The following MYO7B variants were observed in gnomAD, a reference collection of about 807,000 sequenced individuals.
MYO7B encodes the protein unconventional myosin-VIIb.
MYO7B carries 212 observed loss-of-function variants against 259.7 expected under a neutral mutation model. The ratio of observed to expected loss-of-function variants is 0.82; its 90% confidence interval spans 0.73 to 0.91. The LOEUF is 0.91. MYO7B is among the 40% of genes least tolerant of loss of function. The pLI is 0.00. For missense variants in MYO7B, 2,732 were observed against 2,813.5 expected, an observed-to-expected ratio of 0.97 and a Z score of 0.66; for synonymous variants, 1,197 against 1,166.4, an observed-to-expected ratio of 1.03 and a Z score of -0.54.
chr2:127,630,734 T>C, intron 35 of MYO7B, 44 bp from the exon 36 acceptor site: 2 of 1,606,402 alleles, frequency 1.2e-6, no homozygotes, highest in Non-Finnish European at 1.7e-6. Flanking sequence ...AAGGGCCTCA[T>C]GGGCGGTGGC....
Position 127,588,735 on chromosome 2 carries a change from G to A in MYO7B, c.1854+180G>A, listed in dbSNP as rs1679403832. On this transcript the variant is annotated intron_variant, in intron 15 of 47. Transcript: ENST00000409816. ...TGGGTGGGTGGATAGATGGGTGAGT[G>A]GGTGGATGGGTAGTGGGTGGGTGGA... 2.0e-5 allele frequency among the ~76,000 whole-genome samples: 3 copies of A among 151,636 alleles called. 1 individual carries two copies. The highest frequency in any genetic ancestry group is 2.0e-4 in the Admixed American group (3 of 15,204).
chr2:127,632,405 A>G lies in MYO7B; in HGVS notation c.5405+4A>G. The G allele has an allele frequency of 6.5e-7, 1 of 1,529,820 alleles. No individual in the cohort carries two copies. Among genetic ancestry groups the G allele is most frequent in the Non-Finnish European group, 8.8e-7 (1 of 1,138,126 alleles). The allele number at this position is 1,529,820 out of a possible 1,614,324, so 94.8% of individuals were successfully genotyped here. On this transcript the variant is annotated splice_donor_region_variant and intron_variant, in intron 39 of 47. Coordinates refer to ENST00000409816, the MANE Select transcript of MYO7B (RefSeq NM_001393586.1). ...GCCGAATCCAGAAGGTCCTGAGGTG[A>G]GCCCAGTGCCTCCAGCCCCCAGCAT...
intron 19 of MYO7B, among the ~76,000 whole-genome samples, chr2:127,599,831 T>C (rs746966042): frequency 5.3e-5 from 8 of 152,250 alleles, no homozygotes; most frequent in Admixed American, 1.3e-4. Context: ...TTTTTAAATA[T>C]TGAACCAGCT....
intron 26 of MYO7B, among the ~76,000 whole-genome samples, chr2:127,617,513 T>TTTTTTTTTTG (rs1680621989): frequency 1.5e-5 from 2 of 135,812 alleles, no homozygotes; most frequent in East Asian, 2.2e-4. Flanking sequence ...TTTTTTTTTT[T>TTTTTTTTTTG]GAGACGGAGT....
chr2:127,572,325 A>G (rs1269518810), intron 6 of MYO7B, among the ~76,000 whole-genome samples: 2 of 151,640 alleles, frequency 1.3e-5, no homozygotes, highest in African/African-American at 4.8e-5. Flanking sequence ...ATGCTGTGGC[A>G]GGAGAATCGC....
chr2:127,560,030 CTTT>C (rs59002626), intron 2 of MYO7B, among the ~76,000 whole-genome samples: 2 of 138,164 alleles, frequency 1.4e-5, no homozygotes, highest in East Asian at 2.1e-4. Context: ...CTTTTCTTTT[CTTT>C]TTTTTTTTTT....
rs1459335834 is a variant in MYO7B, at chr2:127,539,793, C to A, written c.-24+3962C>A. On this transcript the variant is annotated intron_variant, in intron 1 of 47. Coordinates refer to ENST00000409816, the MANE Select transcript of MYO7B (RefSeq NM_001393586.1). This position sits in a 1 kb window ranked among gnomAD's most constrained non-coding sequence, Gnocchi z 4.0. Reference sequence around the variant, plus strand: ...TTGCACCTATCACCACAGCAGTGTACACTGCACCCAATGTGTAGTCTTTTG... The same window carrying A: ...TTGCACCTATCACCACAGCAGTGTAAACTGCACCCAATGTGTAGTCTTTTG... Among the ~76,000 whole-genome samples, 5 of 152,198 alleles carry A rather than the reference C, an allele frequency of 3.3e-5. No individual in the cohort carries two copies. The highest frequency in any genetic ancestry group is 1.2e-4 in the African/African-American group (5 of 41,446).
intron 15 of MYO7B, among the ~76,000 whole-genome samples, chr2:127,589,700 G>A (rs1163666627): frequency 2.2e-5 from 3 of 137,582 alleles, no homozygotes; most frequent in Non-Finnish European, 4.7e-5. Flanking sequence ...GTGAGAGGGT[G>A]GATGGATAGA....
In MYO7B at chr2:127,612,273, G is replaced by C. The variant is rs1476505327; in HGVS notation, c.3216G>C (p.Gly1072=). 2 of 714,564 alleles carry C rather than the reference G, an allele frequency of 2.8e-6. No homozygotes were observed. The highest frequency in any genetic ancestry group is 3.5e-5 in the African/African-American group (2 of 57,248). The allele number at this position is 714,564 out of a possible 1,614,324, so 44.3% of individuals were successfully genotyped here. Reference sequence around the variant, plus strand: ...AGAGATCTGGCTGCAAGGACAAGGGGACCAAGGATATCTCCTCCATGAAGC... The same window carrying C: ...AGAGATCTGGCTGCAAGGACAAGGGCACCAAGGATATCTCCTCCATGAAGC... ...SAQRSGCKDK[G]TKDISSMKLK... is the part of the protein sequence containing the mutation. Residue 1072 remains glycine, a synonymous_variant, in exon 25 of 48, where the codon GGG becomes GGC. Coordinates refer to ENST00000409816, the MANE Select transcript of MYO7B (RefSeq NM_001393586.1).
At chr2:127,635,477 G>A in intron 43 of MYO7B, 4 of 626,416 alleles carry the variant, frequency 6.4e-6, no homozygotes, top group Non-Finnish European at 2.8e-6. Context: ...TGTGACCCAT[G>A]GAGCAGTGGC....
At chr2:127,619,766 T>A (rs1444744360) in intron 26 of MYO7B, among the ~76,000 whole-genome samples, 1 of 152,106 alleles carries the variant, frequency 6.6e-6, no homozygotes, top group South Asian at 2.1e-4. Context: ...AATGGGCCAC[T>A]TTTATAACAT....
chr2:127,579,187 G>A (rs1046723021), intron 9 of MYO7B, among the ~76,000 whole-genome samples: 5 of 152,114 alleles, frequency 3.3e-5, no homozygotes, highest in Non-Finnish European at 4.4e-5. Flanking sequence ...GGCAGAGGGA[G>A]CACACCTTTC....
chr2:127,635,333 G>A, intron 43 of MYO7B, 107 bp downstream of exon 43: 1 of 1,082,556 alleles, frequency 9.2e-7, no homozygotes, highest in Non-Finnish European at 1.4e-6. Flanking sequence ...CCTCAGCCCT[G>A]GGTACCAGCC....
In MYO7B at chr2:127,614,681, C is replaced by A. The variant is rs979655361; in HGVS notation, c.3398+2078C>A. Among the ~76,000 whole-genome samples the A allele has an allele frequency of 6.6e-6, 1 of 152,148 alleles. No individual in the cohort carries two copies. Among genetic ancestry groups the A allele is most frequent in the African/African-American group, 2.4e-5 (1 of 41,428 alleles). ...TCTTCTCTGGCAGCCCCCAGTTCTCCTGGGGTCCCCTTCACCAACCTCATC... is the reference window on the plus strand; with the variant it reads ...TCTTCTCTGGCAGCCCCCAGTTCTCATGGGGTCCCCTTCACCAACCTCATC... On this transcript the variant is annotated intron_variant, in intron 26 of 47. Transcript: ENST00000409816. This position sits in a 1 kb window ranked among gnomAD's most constrained non-coding sequence, Gnocchi z 4.6.
At chr2:127,541,503 A>G (rs2163348) in intron 1 of MYO7B, among the ~76,000 whole-genome samples, 130,689 of 152,304 alleles carry the variant, frequency 0.86, 56,201 homozygotes, top group East Asian at 1. Context: ...TCTGATTGAG[A>G]GGAATAGCAT....
At position 127,555,697 on chromosome 2, in the gene MYO7B, G is replaced by T. The variant is rs545383369; in HGVS notation, c.-23-4003G>T. ...CTAGTTATTTCATTTCCATGTATTT[G>T]CATGGTTTTGGAGGTTCCTTTTGGA... On this transcript the variant is annotated intron_variant, in intron 1 of 47. Coordinates refer to ENST00000409816, the MANE Select transcript of MYO7B (RefSeq NM_001393586.1). 2.0e-5 allele frequency among the ~76,000 whole-genome samples: 3 copies of T among 152,246 alleles called. No individual in the cohort carries two copies. The East Asian group carries it at 5.8e-4, about 29-fold the overall frequency.
Position 127,635,773 on chromosome 2 carries a change from A to G in MYO7B, c.5872A>G (p.Ile1958Val). ...GFHKCSREDA[I>V]HLAGLIYKAQ... ...CCACAAGTGTTCGCGGGAGGATGCC[A>G]TCCACCTGGCGGGCCTCATCTACAA... The change falls in exon 44 of 48, where the codon ATC (isoleucine) becomes GTC (valine). Residue 1958 changes from isoleucine (I) to valine (V), a missense_variant. Ile to Val is a conservative substitution (Grantham distance 29). This residue lies in a region of MYO7B where 821 missense variants were observed against 769.3 expected (regional missense o/e 1.07). Coordinates refer to ENST00000409816, the MANE Select transcript of MYO7B (RefSeq NM_001393586.1). 6.2e-7 allele frequency: 1 copy of G among 1,601,160 alleles called. No individual in the cohort carries two copies. The highest frequency in any genetic ancestry group is 8.5e-7 in the Non-Finnish European group (1 of 1,174,038).
chr2:127,610,015 A>G lies in MYO7B; in HGVS notation c.3191A>G (p.Gln1064Arg), dbSNP rs765727190. The G allele has an allele frequency of 5.0e-6, 8 of 1,609,086 alleles. No homozygotes were observed. Among genetic ancestry groups the G allele is most frequent in the Non-Finnish European group, 6.8e-6 (8 of 1,178,200 alleles). ...GTTCCACAGCACAGTAGATCTGCACAGGCAAGTGGGGGGCAGCAGCGGGCA... is the reference window on the plus strand; with the variant it reads ...GTTCCACAGCACAGTAGATCTGCACGGGCAAGTGGGGGGCAGCAGCGGGCA... ...AQVPQHSRSA[Q>R]RSGCKDKGTK... Residue 1064 changes from glutamine (Q) to arginine (R), a missense_variant and splice_region_variant, in exon 24 of 48, where the codon CAG (glutamine) becomes CGG (arginine). By Grantham distance (43) the Gln-to-Arg change is conservative. Around this residue, in one of 3 missense-constraint regions of MYO7B, gnomAD observed 1,906 missense variants for 2,026.4 expected, o/e 0.94. Coordinates refer to ENST00000409816, the MANE Select transcript of MYO7B (RefSeq NM_001393586.1).
intron 26 of MYO7B, 61 bp from the exon 27 acceptor site, chr2:127,620,278 AC>A: frequency 6.5e-7 from 1 of 1,548,550 alleles, no homozygotes; most frequent in Non-Finnish European, 8.8e-7. Flanking sequence ...GTGCCCAGGT[AC>A]CCCTGTCTCC....
Sources: gnomAD v4.1 joint callset for allele counts (sites outside exome capture counted in the v4.1 genomes callset) on GRCh38, gnomAD v4.1.1 for gene constraint, gnomAD v4.1.1 regional missense constraint, Gnocchi (gnomAD v3.1) non-coding constraint, MANE v1.5 for transcripts, NCBI Gene and HGNC (gene_info 2026-07-23, HGNC 2026-07-21) for gene names.